ABCD2: variants seen among roughly 807,000 people sequenced by gnomAD.
The protein encoded by ABCD2 is ATP binding cassette subfamily D member 2.
ABCD2 carries 36 observed loss-of-function variants against 70.9 expected under a neutral mutation model. The observed-to-expected ratio is 0.51, with a 90% CI of 0.39 to 0.67. The LOEUF is 0.67. ABCD2 is among the 30% of genes least tolerant of loss of function. The pLI, the probability that ABCD2 is intolerant of heterozygous loss-of-function variation, is 0.00. For missense variants in ABCD2, 729 were observed against 890.2 expected, an observed-to-expected ratio of 0.82 and a Z score of 2.30; for synonymous variants, 304 against 306.9, an observed-to-expected ratio of 0.99 and a Z score of 0.10.
intron 1 of ABCD2, 54 bp from the exon 2 acceptor site, chr12:39,617,222 T>C: frequency 8.3e-7 from 1 of 1,200,812 alleles, no homozygotes; most frequent in Non-Finnish European, 1.1e-6. Flanking sequence ...TACATATTAT[T>C]CTTTTTTTTT....
intron 6 of ABCD2, among the ~76,000 whole-genome samples, chr12:39,593,237 TA>T (rs1183041276): frequency 1.2e-4 from 19 of 152,138 alleles, no homozygotes; most frequent in Non-Finnish European, 2.1e-4. Flanking sequence ...TCACAGCTTT[TA>T]TTTTTTTGTT....
chr12:39,579,971 A>G (rs1288488905), intron 7 of ABCD2, among the ~76,000 whole-genome samples: 1 of 152,200 alleles, frequency 6.6e-6, no homozygotes, highest in East Asian at 1.9e-4. Context: ...TCATATGTCA[A>G]TTACAAAGTC....
intron 9 of ABCD2, among the ~76,000 whole-genome samples, chr12:39,562,405 T>C (rs894462993): frequency 2.2e-4 from 34 of 151,786 alleles, no homozygotes; most frequent in Non-Finnish European, 2.2e-4. Flanking sequence ...AATGAATAAT[T>C]GATTTTTTCA....
intron 9 of ABCD2, among the ~76,000 whole-genome samples, chr12:39,565,708 G>A (rs1941334959): frequency 6.6e-6 from 1 of 152,166 alleles, no homozygotes; most frequent in African/African-American, 2.4e-5. Flanking sequence ...TCTTGTGCCA[G>A]TTTTCAAAGG....
chr12:39,597,810 A>G (rs1438672899), intron 6 of ABCD2, among the ~76,000 whole-genome samples: 1 of 152,198 alleles, frequency 6.6e-6, no homozygotes, highest in Non-Finnish European at 1.5e-5. Context: ...TATGTCATTA[A>G]TAAAGATAGG....
chr12:39,614,476 C>A (rs1044948331), intron 2 of ABCD2, among the ~76,000 whole-genome samples: 2 of 151,978 alleles, frequency 1.3e-5, no homozygotes, highest in Admixed American at 1.3e-4. Context: ...CTTTTTTCTT[C>A]ATTTTATCCT....
At chr12:39,541,159 G>A in the ABCD2 span, among the ~76,000 whole-genome samples, 45 of 152,304 alleles carry the variant, frequency 3.0e-4, no homozygotes, top group African/African-American at 1.1e-3. Context: ...ATAGAAATGG[G>A]AGATTGGAAA....
chr12:39,606,582 G>A (rs1236677790), intron 3 of ABCD2, among the ~76,000 whole-genome samples: 1 of 152,090 alleles, frequency 6.6e-6, no homozygotes, highest in African/African-American at 2.4e-5. Context: ...CTATCCCAAA[G>A]ACTGTGTCTC....
the ABCD2 span, among the ~76,000 whole-genome samples, chr12:39,534,534 G>C: frequency 6.6e-6 from 1 of 151,856 alleles, no homozygotes; most frequent in African/African-American, 2.4e-5. Context: ...ACTCTAGGCC[G>C]GGCATGGCAG....
chr12:39,609,021 C>G (rs1942010414), intron 2 of ABCD2, among the ~76,000 whole-genome samples: 1 of 152,140 alleles, frequency 6.6e-6, no homozygotes. Context: ...AGAGTTAACA[C>G]TTTACTAAAG....
chr12:39,532,529 T>A, the ABCD2 span, among the ~76,000 whole-genome samples: 3 of 152,318 alleles, frequency 2.0e-5, no homozygotes, highest in Non-Finnish European at 4.4e-5. Context: ...TGCTACGATC[T>A]TTTTGGAAGA....
chr12:39,555,390 G>A (rs1022620525), intron 9 of ABCD2, among the ~76,000 whole-genome samples: 24 of 152,238 alleles, frequency 1.6e-4, no homozygotes, highest in Admixed American at 2.0e-4. Context: ...GTGATCATCC[G>A]CTTGCAGGAA....
intron 9 of ABCD2, among the ~76,000 whole-genome samples, chr12:39,566,134 C>G (rs187744195): frequency 6.6e-6 from 1 of 152,260 alleles, no homozygotes; most frequent in Admixed American, 6.5e-5. Flanking sequence ...CAGGATGATG[C>G]TGGCCTCATA....
chr12:39,588,295 C>T (rs907477390), intron 6 of ABCD2, among the ~76,000 whole-genome samples: 4 of 152,070 alleles, frequency 2.6e-5, no homozygotes, highest in African/African-American at 7.2e-5. Context: ...ATCCAGACCC[C>T]CCCATATCTG....
Position 39,619,711 on chromosome 12 carries a change from G to C in ABCD2, c.-96C>G. 9.4e-7 allele frequency: 1 copy of C among 1,067,062 alleles called. No individual in the cohort carries two copies. Among genetic ancestry groups the C allele is most frequent in the African/African-American group, 1.6e-5 (1 of 62,698 alleles). The allele number at this position is 1,067,062 out of a possible 1,614,324, so 66.1% of individuals were successfully genotyped here. On this transcript the variant is annotated 5_prime_UTR_variant, in exon 1 of 10. Transcript: ENST00000308666. ...CAAATGTTTTAGAAAGTCCTACAGC[G>C]TCCCATAGTCTGCAGCGTTTCTCTT...
intron 9 of ABCD2, among the ~76,000 whole-genome samples, chr12:39,567,322 G>T (rs145521729): frequency 0.024 from 3,621 of 152,234 alleles, 78 homozygotes; most frequent in African/African-American, 0.059. Flanking sequence ...CTTCTGTATT[G>T]GGTGCATATA....
At chr12:39,572,788 A>AAG (rs914847169) in intron 9 of ABCD2, among the ~76,000 whole-genome samples, 1 of 152,162 alleles carries the variant, frequency 6.6e-6, no homozygotes. Flanking sequence ...TGCAGCCAGA[A>AAG]AGAGAGAGAG....
intron 9 of ABCD2, among the ~76,000 whole-genome samples, chr12:39,559,321 G>A (rs1941216609): frequency 7.2e-6 from 1 of 139,820 alleles, no homozygotes; most frequent in East Asian, 2.3e-4. Context: ...AGGTTGCAGT[G>A]AGCTAAGATC....
chr12:39,599,857 T>A (rs764508708), intron 6 of ABCD2, among the ~76,000 whole-genome samples: 1 of 152,314 alleles, frequency 6.6e-6, no homozygotes, highest in Middle Eastern at 3.4e-3. Flanking sequence ...CTATGGGATG[T>A]CTATGTATCC....
Sources: allele counts gnomAD v4.1 joint callset (sites outside exome capture counted in the v4.1 genomes callset), GRCh38; gene constraint gnomAD v4.1.1; transcripts MANE v1.5; gene names NCBI Gene and HGNC (gene_info 2026-07-23, HGNC 2026-07-21).